RBAK: variants seen among roughly 807,000 people sequenced by gnomAD.
The protein encoded by RBAK is RB-associated KRAB zinc finger protein.
In RBAK, 39 loss-of-function variants were observed where a neutral mutation model predicts 65.8. The ratio of observed to expected loss-of-function variants is 0.59; its 90% CI spans 0.46 to 0.77. The LOEUF is 0.77. RBAK is among the 30% of genes least tolerant of loss of function. The pLI is 0.00. For missense variants in RBAK, 884 were observed against 855.1 expected, an observed-to-expected ratio of 1.03 and a Z score of -0.42; for synonymous variants, 343 against 289.7, an observed-to-expected ratio of 1.18 and a Z score of -1.87.
At chr7:5,054,249 A>T (rs1788175885) in intron 2 of RBAK, among the ~76,000 whole-genome samples, 1 of 152,050 alleles carries the variant, frequency 6.6e-6, no homozygotes, top group Non-Finnish European at 1.5e-5. Flanking sequence ...TACTAAAAAT[A>T]CAAAAATTAG....
At chr7:5,061,820 CCT>C (rs1779081461) in intron 4 of RBAK, among the ~76,000 whole-genome samples, 1 of 151,772 alleles carries the variant, frequency 6.6e-6, no homozygotes, top group Admixed American at 6.6e-5. Flanking sequence ...TTCGCTTGAG[CCT>C]GAGAAGTGGA....
rs1198683644 is a variant in RBAK at position 5,067,903 on chromosome 7, G to T, written c.*2302G>T. 1.3e-5 allele frequency: 2 copies of T among 152,204 alleles called. No individual in the cohort carries two copies. Among genetic ancestry groups the T allele is most frequent in the Non-Finnish European group, 2.9e-5 (2 of 68,032 alleles). The allele number at this position is 152,204 out of a possible 1,614,324, so 9.4% of individuals were successfully genotyped here. ...TTTGATAAAAAGTTATTTGGAGGTG[G>T]ATTGCAGATCTGAATATGAAATGTG... is the stretch of plus-strand genomic sequence containing the variant. On this transcript the variant is annotated 3_prime_UTR_variant, in exon 5 of 5. Transcript: ENST00000396912.
In RBAK at chr7:5,065,333, G is replaced by A; in HGVS notation, c.1877G>A (p.Ser626Asn). 6 of 1,613,224 alleles carry A rather than the reference G, an allele frequency of 3.7e-6. No individual in the cohort carries two copies. Among genetic ancestry groups the A allele is most frequent in the Non-Finnish European group, 5.1e-6 (6 of 1,179,666 alleles). ...TCAGGAGAGAAACCCTATGAATGTA[G>A]TAAATGTGGAAAAGTCTTCTCTCGG... is the stretch of plus-strand genomic sequence containing the variant. ...IHSGEKPYEC[S>N]KCGKVFSRMS... Residue 626 changes from serine (S) to asparagine (N), a missense_variant, in exon 5 of 5, where the codon AGT becomes AAT. Coordinates refer to ENST00000396912, the MANE Select transcript of RBAK (RefSeq NM_021163.4). This position sits in a 1 kb window ranked among gnomAD's most constrained non-coding sequence, Gnocchi z 5.3.
Position 5,068,205 on chromosome 7 carries a change from A to G in RBAK, c.*2604A>G, listed in dbSNP as rs1779267937. The G allele has an allele frequency of 6.6e-6, 1 of 152,180 alleles. No individual in the cohort carries two copies. Among genetic ancestry groups the G allele is most frequent in the African/African-American group, 2.4e-5 (1 of 41,442 alleles). The allele number at this position is 152,180 out of a possible 1,614,324, so 9.4% of individuals were successfully genotyped here. On this transcript the variant is annotated 3_prime_UTR_variant, in exon 5 of 5. Coordinates refer to ENST00000396912, the MANE Select transcript of RBAK (RefSeq NM_021163.4). Reference sequence around the variant, plus strand: ...GATGGTGAAAATTTTCAGCTTTGTCACAACTGCTCATCTTTGCTATTGTGT... The same window carrying G: ...GATGGTGAAAATTTTCAGCTTTGTCGCAACTGCTCATCTTTGCTATTGTGT...
In RBAK at chr7:5,068,832, A is replaced by G. The variant is rs2115052694; in HGVS notation, c.*3231A>G. 6.6e-6 allele frequency: 1 copy of G among 152,368 alleles called. No homozygotes were observed. The highest frequency in any genetic ancestry group is 6.5e-5 in the Admixed American group (1 of 15,296). The allele number at this position is 152,368 out of a possible 1,614,324, so 9.4% of individuals were successfully genotyped here. On this transcript the variant is annotated 3_prime_UTR_variant, in exon 5 of 5. Coordinates refer to ENST00000396912, the MANE Select transcript of RBAK (RefSeq NM_021163.4). ...GTGGCATATGTCCATGGAATACTGT[A>G]AAACAGTGAGCATGAATGAACTAGA...
At chr7:5,061,447 C>CT (rs199823841) in intron 4 of RBAK, among the ~76,000 whole-genome samples, 1,522 of 113,522 alleles carry the variant, frequency 0.013, 21 homozygotes, top group African/African-American at 0.037. Flanking sequence ...TTTTGTTTTT[C>CT]TTTTTCTTTT....
chr7:5,046,852 G>A (rs1333658414), intron 1 of RBAK, among the ~76,000 whole-genome samples: 3 of 152,158 alleles, frequency 2.0e-5, no homozygotes. Flanking sequence ...TAGCAGGTGG[G>A]TGACTTGACC....
intron 1 of RBAK, among the ~76,000 whole-genome samples, chr7:5,047,232 T>C (rs1443421012): frequency 2.6e-5 from 4 of 152,024 alleles, no homozygotes; most frequent in African/African-American, 9.7e-5. Flanking sequence ...AGACCCTGAC[T>C]CTACAAAAAA....
chr7:5,063,142 G>A lies in RBAK; in HGVS notation c.239-553G>A, dbSNP rs1362131336. ...GAAATCTTCACAATTTATGTTCAGA[G>A]ATTGCAGTAAAGACAGGCATAAGAA... is the stretch of plus-strand genomic sequence containing the variant. On this transcript the variant is annotated intron_variant, in intron 4 of 4. Coordinates refer to ENST00000396912, the MANE Select transcript of RBAK (RefSeq NM_021163.4). 3.9e-5 allele frequency among the ~76,000 whole-genome samples: 6 copies of A among 152,222 alleles called. No homozygotes were observed. In the East Asian group the frequency reaches 9.6e-4, roughly 24 times the overall value.
intron 4 of RBAK, among the ~76,000 whole-genome samples, chr7:5,062,087 T>C (rs189363354): frequency 1.3e-4 from 20 of 152,284 alleles, no homozygotes; most frequent in African/African-American, 4.3e-4. Context: ...GATGCCACCA[T>C]CGTAGTCTTG....
intron 2 of RBAK, among the ~76,000 whole-genome samples, chr7:5,056,684 A>C (rs1788239590): frequency 6.6e-6 from 1 of 152,216 alleles, no homozygotes; most frequent in Admixed American, 6.5e-5. Context: ...TCCAAGATTG[A>C]GATGTTTGAG....
chr7:5,067,655 G>T lies in RBAK; in HGVS notation c.*2054G>T, dbSNP rs903849577. The T allele has an allele frequency of 1.3e-5, 2 of 152,260 alleles. No individual in the cohort carries two copies. The highest frequency in any genetic ancestry group is 1.3e-4 in the Admixed American group (2 of 15,286). The allele number at this position is 152,260 out of a possible 1,614,324, so 9.4% of individuals were successfully genotyped here. On this transcript the variant is annotated 3_prime_UTR_variant, in exon 5 of 5. Coordinates refer to ENST00000396912, the MANE Select transcript of RBAK (RefSeq NM_021163.4). ...GCTATCCTGTAGAATGGACAGAGAG[G>T]ATTGAAATTTCTAAATATCAAGACC...
Position 5,064,576 on chromosome 7 carries a change from C to G in RBAK, c.1120C>G (p.Pro374Ala). The G allele has an allele frequency of 6.2e-7, 1 of 1,613,820 alleles. No individual in the cohort carries two copies. ...QRNHSGERPY[P>A]CNECGKSFSR... Reference sequence around the variant, plus strand: ...GAATCATTCAGGAGAGAGGCCCTATCCATGTAACGAATGTGGGAAATCCTT... The same window carrying G: ...GAATCATTCAGGAGAGAGGCCCTATGCATGTAACGAATGTGGGAAATCCTT... Residue 374 changes from proline (P) to alanine (A), a missense_variant, in exon 5 of 5, where the codon CCA (proline) becomes GCA (alanine). Physicochemically the swap from Pro to Ala is conservative, Grantham distance 27 (BLOSUM62 -1). Coordinates refer to ENST00000396912, the MANE Select transcript of RBAK (RefSeq NM_021163.4). This position sits in a 1 kb window ranked among gnomAD's most constrained non-coding sequence, Gnocchi z 6.3.
rs116077375 is a variant in RBAK at position 5,061,183 on chromosome 7, C to G, written c.239-2512C>G. 8.1e-3 allele frequency among the ~76,000 whole-genome samples: 1,237 copies of G among 152,230 alleles called. 19 individuals carry two copies. Among genetic ancestry groups the G allele is most frequent in the African/African-American group, 0.028 (1,182 of 41,560 alleles). ...TACATGTACTAATTCAGTCCTTTGA[C>G]AACCCTATGATTTAGGCACTCATAT... On this transcript the variant is annotated intron_variant, in intron 4 of 4. Coordinates refer to ENST00000396912, the MANE Select transcript of RBAK (RefSeq NM_021163.4).
Position 5,048,186 on chromosome 7 carries a change from T to C in RBAK, c.15+95T>C. On this transcript the variant is annotated intron_variant, in intron 2 of 4. Coordinates refer to ENST00000396912, the MANE Select transcript of RBAK (RefSeq NM_021163.4). This position sits in a 1 kb window ranked among gnomAD's most constrained non-coding sequence, Gnocchi z 4.4. ...ATTCTTACCTTTTTTTTTTTCTTTT[T>C]TTTTGAGATGGAGTCTTGCTCTGTT... 6.4e-7 allele frequency: 1 copy of C among 1,560,828 alleles called. No individual in the cohort carries two copies. The highest frequency in any genetic ancestry group is 8.7e-7 in the Non-Finnish European group (1 of 1,150,544).
intron 2 of RBAK, among the ~76,000 whole-genome samples, chr7:5,051,460 C>G (rs867066083): frequency 6.6e-6 from 1 of 152,020 alleles, no homozygotes; most frequent in African/African-American, 2.4e-5. Flanking sequence ...ATTAAATACC[C>G]ATAGCACAGT....
In RBAK at chr7:5,069,129, ATG is replaced by A. The variant is rs1361182795; in HGVS notation, c.*3534_*3535del. 6.6e-6 allele frequency: 1 copy of A among 152,208 alleles called. No homozygotes were observed. Among genetic ancestry groups the A allele is most frequent in the African/African-American group, 2.4e-5 (1 of 41,446 alleles). 9.4% of individuals were successfully genotyped at this position (152,208 alleles called of 1,614,324 possible). A position where few individuals can be genotyped will look rare whatever the true frequency, so the allele number is the denominator to read the frequency against. ...ACTTAAGATATGTGTATTTTTCTGC[ATG>A]TGTGTTAAACTTTCCATAAAAGTTT... On this transcript the variant is annotated 3_prime_UTR_variant, in exon 5 of 5. Coordinates refer to ENST00000396912, the MANE Select transcript of RBAK (RefSeq NM_021163.4).
intron 4 of RBAK, among the ~76,000 whole-genome samples, chr7:5,061,894 T>C (rs59424833): frequency 0.099 from 14,637 of 147,918 alleles, 1,084 homozygotes; most frequent in East Asian, 0.4. Context: ...CGAGACTCCA[T>C]CTACAAAAAA....
rs148089486 is a variant in RBAK at position 5,060,090 on chromosome 7, G to A, written c.238+2311G>A. On this transcript the variant is annotated intron_variant, in intron 4 of 4. Transcript: ENST00000396912. ...GAATATATACTCTAAATGATTATAT[G>A]CTCTGAGAGGTAGGTGCATATATTT... Among the ~76,000 whole-genome samples the A allele has an allele frequency of 2.7e-3, 418 of 152,286 alleles. 4 individuals carry two copies. The highest frequency in any genetic ancestry group is 9.4e-3 in the African/African-American group (390 of 41,560).
Sources: gnomAD v4.1 joint callset for allele counts (sites outside exome capture counted in the v4.1 genomes callset) on GRCh38, gnomAD v4.1.1 for gene constraint, Gnocchi (gnomAD v3.1) non-coding constraint, MANE v1.5 for transcripts, NCBI Gene and HGNC (gene_info 2026-07-23, HGNC 2026-07-21) for gene names.